Variants in PIBF1 observed in about 807,000 individuals in gnomAD.
PIBF1 encodes progesterone-induced-blocking factor 1.
Under a neutral mutation model 112.5 loss-of-function variants are expected in PIBF1, and 90 were observed. The observed-to-expected ratio is 0.80, with a 90% CI of 0.67 to 0.95. The LOEUF is 0.95. Among genes scored for constraint, PIBF1 ranks in the 40% least tolerant of loss-of-function variants. The probability of loss-of-function intolerance (pLI) is 0.00; values close to 1 mark genes in which losing one functional copy is unlikely to be tolerated. For synonymous variants in PIBF1, 301 were observed against 288.6 expected (o/e 1.04, Z -0.44); for missense variants, 915 against 852.3 (o/e 1.07, Z -0.92).
At chr13:72,904,462 G>T (rs1353501787) in intron 11 of PIBF1, among the ~76,000 whole-genome samples, 6 of 28,456 alleles carry the variant, frequency 2.1e-4, no homozygotes, top group Admixed American at 8.2e-4. Context: ...TTTTTTTGAG[G>T]AGGAGTCCTG....
intron 9 of PIBF1, among the ~76,000 whole-genome samples, chr13:72,848,568 G>A (rs1373944282): frequency 1.3e-5 from 2 of 152,020 alleles, no homozygotes; most frequent in Admixed American, 6.6e-5. Flanking sequence ...ACTCTTGGCC[G>A]GGCGCGGTGG....
intron 14 of PIBF1, among the ~76,000 whole-genome samples, chr13:72,932,134 G>A (rs2041730064): frequency 6.6e-6 from 1 of 151,786 alleles, no homozygotes; most frequent in African/African-American, 2.4e-5. Flanking sequence ...GGTAGAGACA[G>A]GGTTTCACCA....
chr13:72,964,097 A>G (rs2042677450), intron 14 of PIBF1, among the ~76,000 whole-genome samples: 1 of 152,246 alleles, frequency 6.6e-6, no homozygotes, highest in South Asian at 2.1e-4. Flanking sequence ...ATTCATCAAG[A>G]GATCAATGGA....
chr13:72,965,384 A>C lies in PIBF1; in HGVS notation c.1944A>C (p.Ala648=), dbSNP rs376145910. The change falls in exon 15 of 18, where the codon GCA becomes GCC. Residue 648 remains alanine (A), a synonymous_variant. Transcript: ENST00000326291. The stretch of plus-strand genomic sequence containing the variant: ...TTGATTCACTGACGGAATCTATTGC[A>C]CAACTTGAGAAAGATGTCAGGTAAA... ...SKIDSLTESI[A]QLEKDVSNLN... 31 of 1,609,896 alleles carry C rather than the reference A, an allele frequency of 1.9e-5. No homozygotes were observed. Among genetic ancestry groups the C allele is most frequent in the Non-Finnish European group, 2.5e-5 (29 of 1,178,292 alleles).
chr13:72,823,499 G>T (rs969951852), intron 6 of PIBF1, among the ~76,000 whole-genome samples: 1 of 152,240 alleles, frequency 6.6e-6, no homozygotes, highest in East Asian at 1.9e-4. Flanking sequence ...AGTTCACTCA[G>T]CAGAATGAAT....
chr13:72,925,671 A>G (rs1484657888), intron 13 of PIBF1, among the ~76,000 whole-genome samples: 2 of 149,018 alleles, frequency 1.3e-5, no homozygotes, highest in Non-Finnish European at 3.0e-5. Context: ...CCTCCTAAGT[A>G]GCTGGGATTA....
intron 14 of PIBF1, among the ~76,000 whole-genome samples, chr13:72,961,701 A>T (rs991018755): frequency 3.3e-5 from 5 of 152,174 alleles, no homozygotes; most frequent in African/African-American, 4.8e-5. Context: ...TTTTGTTGTG[A>T]TTATCCAACT....
At chr13:72,922,326 C>T (rs1241454352) in intron 13 of PIBF1, among the ~76,000 whole-genome samples, 1 of 152,000 alleles carries the variant, frequency 6.6e-6, no homozygotes, top group Non-Finnish European at 1.5e-5. Context: ...GTTACAAGGG[C>T]TTATACAATT....
At chr13:72,894,041 G>A in intron 11 of PIBF1, 92 bp downstream of exon 11, 1 of 172,810 alleles carries the variant, frequency 5.8e-6, no homozygotes, top group Non-Finnish European at 1.1e-5. Flanking sequence ...CCTATAGGAT[G>A]TATCACTATC....
Position 72,998,992 on chromosome 13 carries a change from C to G in PIBF1, c.2220C>G (p.Leu740=), listed in dbSNP as rs1455841116. The G allele has an allele frequency of 1.3e-6, 2 of 1,550,936 alleles. No homozygotes were observed. Among genetic ancestry groups the G allele is most frequent in the Admixed American group, 1.9e-5 (1 of 52,514 alleles). ...EDNIFTPKPT[L]FTKKEAPEWS... ...ATATATTTACACCTAAACCAACACTCTTTGTAAGTACAATTTTTAAAACTC... is the reference window on the plus strand; with the variant it reads ...ATATATTTACACCTAAACCAACACTGTTTGTAAGTACAATTTTTAAAACTC... Residue 740 remains leucine, a synonymous_variant, in exon 17 of 18, where the codon CTC becomes CTG. Transcript: ENST00000326291.
chr13:72,965,543 T>C, intron 15 of PIBF1, 139 bp downstream of exon 15: 1 of 662,964 alleles, frequency 1.5e-6, no homozygotes, highest in Non-Finnish European at 2.5e-6. Context: ...TATTAAACTT[T>C]TCTTAGAAAA....
intron 5 of PIBF1, among the ~76,000 whole-genome samples, chr13:72,809,589 G>GTTTTT (rs34696804): frequency 9.9e-6 from 1 of 100,886 alleles, no homozygotes; most frequent in Non-Finnish European, 2.2e-5. Flanking sequence ...TTTTTTTTTG[G>GTTTTT]TTTTTTTTTT....
At chr13:72,819,049 T>A (rs1265066171) in intron 5 of PIBF1, among the ~76,000 whole-genome samples, 2 of 152,088 alleles carry the variant, frequency 1.3e-5, no homozygotes, top group Admixed American at 1.3e-4. Context: ...TTCCAACAAA[T>A]CTACTCACAT....
chr13:73,007,357 C>T (rs1310057941), intron 17 of PIBF1, among the ~76,000 whole-genome samples: 5 of 148,114 alleles, frequency 3.4e-5, no homozygotes, highest in African/African-American at 5.0e-5. Flanking sequence ...AGTGCAGTGG[C>T]GCAATCTTGG....
chr13:72,844,789 A>ACACACACACG lies in PIBF1; in HGVS notation c.1224-9259_1224-9258insGCACACACAC, dbSNP rs1555296221. ...CACACACACACACACACACACACAC[A>ACACACACACG]CACACACACACGGATGAAGTCTTAC... On this transcript the variant is annotated intron_variant, in intron 9 of 17. Transcript: ENST00000326291. Among the ~76,000 whole-genome samples the ACACACACACG allele has an allele frequency of 5.3e-3, 638 of 119,622 alleles. 79 individuals are homozygous for ACACACACACG. The highest frequency in any genetic ancestry group is 0.021 in the African/African-American group (561 of 26,314). The allele number at this position is 119,622 out of a possible 152,430, so 78.5% of individuals were successfully genotyped here. A position where few individuals can be genotyped will look rare whatever the true frequency, so the allele number is the denominator to read the frequency against.
chr13:72,785,762 T>TA (rs1813667837), intron 2 of PIBF1, among the ~76,000 whole-genome samples: 1 of 152,206 alleles, frequency 6.6e-6, no homozygotes, highest in African/African-American at 2.4e-5. Context: ...CATTCATTAA[T>TA]TCACCCACTC....
intron 10 of PIBF1, among the ~76,000 whole-genome samples, chr13:72,875,930 T>G (rs1464967314): frequency 6.6e-6 from 1 of 152,120 alleles, no homozygotes; most frequent in Non-Finnish European, 1.5e-5. Flanking sequence ...GTGCAGAAAC[T>G]TTTAACTTTA....
intron 8 of PIBF1, among the ~76,000 whole-genome samples, chr13:72,832,070 GCCT>G (rs1273559322): frequency 1.1e-4 from 6 of 56,208 alleles, no homozygotes; most frequent in Admixed American, 5.1e-4. Flanking sequence ...TGCAATTCCG[GCCT>G]TTTTTTTTTT....
intron 9 of PIBF1, among the ~76,000 whole-genome samples, chr13:72,844,999 C>A (rs2037803544): frequency 6.6e-6 from 1 of 151,792 alleles, no homozygotes; most frequent in African/African-American, 2.4e-5. Context: ...ATTTTAAGTT[C>A]TATGATACAA....
Sources: gnomAD v4.1 joint callset for allele counts (sites outside exome capture counted in the v4.1 genomes callset) on GRCh38, gnomAD v4.1.1 for gene constraint, MANE v1.5 for transcripts, NCBI Gene and HGNC (gene_info 2026-07-23, HGNC 2026-07-21) for gene names.